Variants in SLC4A10 observed in about 807,000 individuals in gnomAD.
SLC4A10 encodes the protein sodium-driven chloride bicarbonate exchanger.
SLC4A10 carries 42 observed loss-of-function variants against 137.7 expected under a neutral mutation model. The observed-to-expected ratio is 0.30, with a 90% CI of 0.24 to 0.39. The LOEUF (loss-of-function observed/expected upper bound fraction) is 0.39, where lower values mean the gene tolerates loss of function less well. Among genes scored for constraint, SLC4A10 ranks in the 10% least tolerant of loss-of-function variants. The probability of loss-of-function intolerance (pLI) is 1.00; values close to 1 mark genes in which losing one functional copy is unlikely to be tolerated. For missense variants in SLC4A10, 925 were observed against 1,355.0 expected, an observed-to-expected ratio of 0.68 and a Z score of 4.98; for synonymous variants, 474 against 464.1, an observed-to-expected ratio of 1.02 and a Z score of -0.27.
At chr2:161,978,378 C>A (rs1468974770) in intron 26 of SLC4A10, among the ~76,000 whole-genome samples, 2 of 67,328 alleles carry the variant, frequency 3.0e-5, no homozygotes, top group East Asian at 4.8e-4. Context: ...CAGAGAGAGA[C>A]TCTGTCAAAA....
intron 1 of SLC4A10, among the ~76,000 whole-genome samples, chr2:161,668,286 A>C (rs1168441322): frequency 2.0e-5 from 3 of 151,846 alleles, no homozygotes; most frequent in Non-Finnish European, 4.4e-5. Context: ...GAATGGGTGA[A>C]GGCATCAAGA....
In SLC4A10 at chr2:161,654,439, T is replaced by C. The variant is rs570548203; in HGVS notation, c.48+29873T>C. 2.6e-5 allele frequency among the ~76,000 whole-genome samples: 4 copies of C among 152,336 alleles called. No individual in the cohort carries two copies. In the South Asian group the frequency reaches 8.3e-4, roughly 32 times the overall value. ...TTTGTTGCCTGTGCTTTTGTTATTATAGTCGTGAAATCATTGTCAAGACCA... is the reference window on the plus strand; with the variant it reads ...TTTGTTGCCTGTGCTTTTGTTATTACAGTCGTGAAATCATTGTCAAGACCA... On this transcript the variant is annotated intron_variant, in intron 1 of 26. Coordinates refer to ENST00000446997, the MANE Select transcript of SLC4A10 (RefSeq NM_001178015.2).
At chr2:161,719,481 A>T (rs1392535487) in intron 1 of SLC4A10, among the ~76,000 whole-genome samples, 1 of 152,174 alleles carries the variant, frequency 6.6e-6, no homozygotes, top group Non-Finnish European at 1.5e-5. Flanking sequence ...CGCCGCACTG[A>T]CTTCCACAAT....
intron 1 of SLC4A10, among the ~76,000 whole-genome samples, chr2:161,754,934 C>A (rs994237120): frequency 2.6e-5 from 4 of 152,172 alleles, no homozygotes; most frequent in Admixed American, 1.3e-4. Flanking sequence ...AGGAATTTAG[C>A]CTGTCAAAAG....
intron 10 of SLC4A10, among the ~76,000 whole-genome samples, chr2:161,890,862 G>C (rs980189421): frequency 6.6e-6 from 1 of 152,040 alleles, no homozygotes; most frequent in Non-Finnish European, 1.5e-5. Context: ...TTCCCCATTA[G>C]TTGATTCCCT....
intron 4 of SLC4A10, among the ~76,000 whole-genome samples, chr2:161,848,686 G>A (rs779735340): frequency 2.6e-5 from 4 of 152,048 alleles, no homozygotes; most frequent in Non-Finnish European, 4.4e-5. Flanking sequence ...AGATCAGATG[G>A]TTCTACATAT....
At position 161,874,020 on chromosome 2, in the gene SLC4A10, G is replaced by A. The variant is rs773094642; in HGVS notation, c.948+15G>A. 1.3e-5 allele frequency: 20 copies of A among 1,575,050 alleles called. No homozygotes were observed. The highest frequency in any genetic ancestry group is 2.3e-5 in the East Asian group (1 of 43,676). ...AAGAGAGAGAGGTGAGGGCATACTC[G>A]GGCTCTATTTCTACAGTGGTTCAAA... On this transcript the variant is annotated intron_variant, in intron 8 of 26. Coordinates refer to ENST00000446997, the MANE Select transcript of SLC4A10 (RefSeq NM_001178015.2).
intron 26 of SLC4A10, among the ~76,000 whole-genome samples, chr2:161,982,194 C>T (rs1700311550): frequency 6.6e-6 from 1 of 152,100 alleles, no homozygotes; most frequent in Non-Finnish European, 1.5e-5. Context: ...AGCCCAGGGC[C>T]TCAGTAGCTG....
At chr2:161,782,018 AGTGCTAATG>A (rs1035134223) in intron 2 of SLC4A10, among the ~76,000 whole-genome samples, 2 of 152,084 alleles carry the variant, frequency 1.3e-5, no homozygotes, top group African/African-American at 4.8e-5. Flanking sequence ...TCTGTCTTAA[AGTGCTAATG>A]GTGTGGAATT....
intron 1 of SLC4A10, among the ~76,000 whole-genome samples, chr2:161,766,816 G>A (rs1374155995): frequency 6.6e-6 from 1 of 150,770 alleles, no homozygotes; most frequent in Admixed American, 6.6e-5. Context: ...TGTGAATCCT[G>A]TTTTATTTTC....
At chr2:161,889,820 C>T (rs542902145) in intron 10 of SLC4A10, among the ~76,000 whole-genome samples, 3 of 152,092 alleles carry the variant, frequency 2.0e-5, no homozygotes, top group Non-Finnish European at 4.4e-5. Flanking sequence ...TATTTCTTCT[C>T]TTCTGCTAGC....
intron 1 of SLC4A10, among the ~76,000 whole-genome samples, chr2:161,763,991 A>G (rs923155717): frequency 2.0e-5 from 3 of 152,158 alleles, no homozygotes; most frequent in Non-Finnish European, 4.4e-5. Context: ...TTGACATGGC[A>G]ATCCCACTTC....
intron 6 of SLC4A10, among the ~76,000 whole-genome samples, chr2:161,870,438 C>T (rs984842674): frequency 2.6e-5 from 4 of 151,668 alleles, no homozygotes; most frequent in Admixed American, 1.3e-4. Context: ...ATTTATACCA[C>T]ACGAAATGAA....
chr2:161,668,984 G>T (rs1423264386), intron 1 of SLC4A10, among the ~76,000 whole-genome samples: 1 of 151,818 alleles, frequency 6.6e-6, no homozygotes, highest in Non-Finnish European at 1.5e-5. Flanking sequence ...TTTATGATAA[G>T]AATTTTGTGT....
intron 1 of SLC4A10, among the ~76,000 whole-genome samples, chr2:161,736,009 CATA>C (rs1199613794): frequency 6.6e-6 from 1 of 151,396 alleles, no homozygotes; most frequent in African/African-American, 2.4e-5. Context: ...TGTATTTCGT[CATA>C]ATAACAATTT....
Position 161,848,421 on chromosome 2 carries a change from G to A in SLC4A10, c.417-6549G>A, listed in dbSNP as rs1575265252. ...GTCAATTTTTGTTTTTGTTGCAATTGCTTTTGGCATCTTCATCATGAAGTC... is the reference window on the plus strand; with the variant it reads ...GTCAATTTTTGTTTTTGTTGCAATTACTTTTGGCATCTTCATCATGAAGTC... On this transcript the variant is annotated intron_variant, in intron 4 of 26. Coordinates refer to ENST00000446997, the MANE Select transcript of SLC4A10 (RefSeq NM_001178015.2). Among the ~76,000 whole-genome samples, 3 of 152,212 alleles carry A rather than the reference G, an allele frequency of 2.0e-5. 1 individual carries two copies. The South Asian group carries it at 6.2e-4, about 32-fold the overall frequency.
rs1205269635 is a variant in SLC4A10 at position 161,818,088 on chromosome 2, GAT to G, written c.277+13496_277+13497del. 2.0e-5 allele frequency among the ~76,000 whole-genome samples: 3 copies of G among 152,088 alleles called. 1 individual carries two copies. Among genetic ancestry groups the G allele is most frequent in the African/African-American group, 7.2e-5 (3 of 41,408 alleles). ...CCTTGGGCAATATGGCCATTTTCAT[GAT>G]ATTGATTCTTCCTACCCATGAGCAT... On this transcript the variant is annotated intron_variant, in intron 3 of 26. Transcript: ENST00000446997.
At chr2:161,785,283 A>G (rs1257574805) in intron 2 of SLC4A10, among the ~76,000 whole-genome samples, 1 of 151,872 alleles carries the variant, frequency 6.6e-6, no homozygotes, top group Non-Finnish European at 1.5e-5. Flanking sequence ...AGATGGCTTC[A>G]CTGGTGAATT....
At chr2:161,660,919 C>T (rs1446607152) in intron 1 of SLC4A10, among the ~76,000 whole-genome samples, 1 of 151,744 alleles carries the variant, frequency 6.6e-6, no homozygotes, top group Non-Finnish European at 1.5e-5. Context: ...CTCGGCCTCC[C>T]AAAGTGCTGG....
Sources: allele counts gnomAD v4.1 joint callset (sites outside exome capture counted in the v4.1 genomes callset), GRCh38; gene constraint gnomAD v4.1.1; transcripts MANE v1.5; gene names NCBI Gene and HGNC (gene_info 2026-07-23, HGNC 2026-07-21).